The following CLIP2 variants were observed in gnomAD, a reference collection of about 807,000 sequenced individuals.
The protein encoded by CLIP2 is CAP-Gly domain containing linker protein 2.
CLIP2 carries 41 observed loss-of-function variants against 111.7 expected under a neutral mutation model. The observed-to-expected ratio is 0.37, with a 90% CI of 0.29 to 0.48. CLIP2 has a LOEUF of 0.48. Among genes scored for constraint, CLIP2 ranks in the 20% least tolerant of loss-of-function variants. The pLI is 0.99. For synonymous variants in CLIP2, 660 were observed against 644.2 expected (o/e 1.02, Z -0.37); for missense variants, 1,160 against 1,422.1 (o/e 0.82, Z 2.96).
At chr7:74,347,765 G>A (rs191630976) in intron 3 of CLIP2, among the ~76,000 whole-genome samples, 1 of 152,290 alleles carries the variant, frequency 6.6e-6, no homozygotes, top group East Asian at 1.9e-4. Flanking sequence ...GAATATTCAT[G>A]AGCATGAATA....
chr7:74,382,150 C>G (rs1259130253), intron 11 of CLIP2, among the ~76,000 whole-genome samples: 3 of 151,924 alleles, frequency 2.0e-5, no homozygotes, highest in Non-Finnish European at 4.4e-5. Flanking sequence ...ATGATGCGAT[C>G]TCAGTTCACT....
In CLIP2 at chr7:74,375,914, G is replaced by C. The variant is rs1352937677; in HGVS notation, c.1513G>C (p.Val505Leu). ...GACCACAGTGGCCGAGAAGTCGCGCGTGCTGCAGCTGGAGGAGGAGCTCAC... is the reference window on the plus strand; with the variant it reads ...GACCACAGTGGCCGAGAAGTCGCGCCTGCTGCAGCTGGAGGAGGAGCTCAC... ...RLTTVAEKSRVLQLEEELTLR... is the reference protein window; with the variant it reads ...RLTTVAEKSRLLQLEEELTLR... Residue 505 changes from valine (V) to leucine (L), a missense_variant, in exon 10 of 17, where the codon GTG becomes CTG. This residue lies in a region of CLIP2 where 676 missense variants were observed against 777.8 expected (regional missense o/e 0.87). Coordinates refer to ENST00000223398, the MANE Select transcript of CLIP2 (RefSeq NM_003388.5). 1 of 1,583,080 alleles carries C rather than the reference G, an allele frequency of 6.3e-7. No homozygotes were observed. The highest frequency in any genetic ancestry group is 1.3e-5 in the African/African-American group (1 of 74,250).
intron 1 of CLIP2, among the ~76,000 whole-genome samples, chr7:74,312,630 C>G (rs1351858637): frequency 5.9e-5 from 9 of 152,178 alleles, no homozygotes; most frequent in Non-Finnish European, 1.2e-4. Flanking sequence ...CCAGGAGGGC[C>G]AGGTTCTGAG....
chr7:74,364,900 G>T, intron 8 of CLIP2: 1 of 455,452 alleles, frequency 2.2e-6, no homozygotes, highest in Non-Finnish European at 4.4e-6. Flanking sequence ...ATGTGCACCT[G>T]TGGTCCCAGC....
In CLIP2 at chr7:74,401,910, A is replaced by T. The variant is rs537686473; in HGVS notation, c.3129+343A>T. ...GTAAAACTCCGTCTCTACTGAAAAT[A>T]CAAAATTAGCCGGGTAGGGTGGACA... On this transcript the variant is annotated intron_variant, in intron 16 of 16. Coordinates refer to ENST00000223398, the MANE Select transcript of CLIP2 (RefSeq NM_003388.5). Among the ~76,000 whole-genome samples, 3 of 151,520 alleles carry T rather than the reference A, an allele frequency of 2.0e-5. No individual in the cohort carries two copies. In the East Asian group the frequency reaches 5.8e-4, roughly 29 times the overall value.
chr7:74,389,398 C>A, intron 13 of CLIP2, 139 bp downstream of exon 13: 1 of 783,470 alleles, frequency 1.3e-6, no homozygotes, highest in Non-Finnish European at 2.0e-6. Flanking sequence ...AGCGATCACC[C>A]TGCTCTCCTC....
At chr7:74,364,563 C>A (rs1376245295) in intron 8 of CLIP2, among the ~76,000 whole-genome samples, 5 of 152,188 alleles carry the variant, frequency 3.3e-5, no homozygotes, top group Non-Finnish European at 7.3e-5. Context: ...CAGGGCAGGG[C>A]AGATGGGGGG....
At chr7:74,351,070 A>T (rs1227855332) in intron 3 of CLIP2, among the ~76,000 whole-genome samples, 2 of 56,862 alleles carry the variant, frequency 3.5e-5, no homozygotes, top group African/African-American at 1.1e-4. Context: ...AGAAAGAGAA[A>T]GAAAGAAAGA....
At chr7:74,361,286 C>G (rs372229960) in intron 7 of CLIP2, among the ~76,000 whole-genome samples, 1 of 147,518 alleles carries the variant, frequency 6.8e-6, no homozygotes, top group African/African-American at 2.5e-5. Context: ...GGTGCGATCT[C>G]GGCTCACTGC....
chr7:74,299,889 G>A (rs188119050), intron 1 of CLIP2, among the ~76,000 whole-genome samples: 1 of 152,094 alleles, frequency 6.6e-6, no homozygotes, highest in Admixed American at 6.6e-5. Flanking sequence ...TAGAGACAGG[G>A]TTTCTCCATG....
chr7:74,318,582 G>A (rs1204177222), intron 2 of CLIP2, among the ~76,000 whole-genome samples: 4 of 151,962 alleles, frequency 2.6e-5, no homozygotes, highest in South Asian at 2.1e-4. Flanking sequence ...GCATGGTGGC[G>A]GGCGCCTATA....
At chr7:74,325,141 A>G (rs1789074733) in intron 2 of CLIP2, among the ~76,000 whole-genome samples, 1 of 152,168 alleles carries the variant, frequency 6.6e-6, no homozygotes, top group African/African-American at 2.4e-5. Context: ...TGGCCAAGGG[A>G]CAGGGCCTGG....
intron 7 of CLIP2, among the ~76,000 whole-genome samples, chr7:74,362,254 G>C (rs1368555970): frequency 6.6e-6 from 1 of 152,120 alleles, no homozygotes; most frequent in African/African-American, 2.4e-5. Context: ...CTTGGCCTGG[G>C]ATCCTCTCTA....
intron 16 of CLIP2, 69 bp downstream of exon 16, chr7:74,401,636 A>T (rs1791623781): frequency 6.8e-7 from 1 of 1,465,308 alleles, no homozygotes; most frequent in African/African-American, 1.4e-5. Flanking sequence ...AATCCTTGAA[A>T]CGTCACTAAG....
rs1280538577 is a variant in CLIP2, at chr7:74,346,735, A to AC, written c.679-7145_679-7144insC. On this transcript the variant is annotated intron_variant, in intron 3 of 16. Coordinates refer to ENST00000223398, the MANE Select transcript of CLIP2 (RefSeq NM_003388.5). ...AAGATTCTCAAAAAAAAAAAAAAAA[A>AC]AAAAAAACAAAACACTGGCCATGCA... 1.5e-3 allele frequency among the ~76,000 whole-genome samples: 103 copies of AC among 67,540 alleles called. 1 individual carries two copies. The East Asian group carries it at 0.016, about 10-fold the overall frequency. The allele number at this position is 67,540 out of a possible 152,430, so 44.3% of individuals were successfully genotyped here. A position where few individuals can be genotyped will look rare whatever the true frequency, so the allele number is the denominator to read the frequency against.
At chr7:74,315,720 G>A (rs1038377683) in intron 1 of CLIP2, among the ~76,000 whole-genome samples, 15 of 151,914 alleles carry the variant, frequency 9.9e-5, no homozygotes, top group South Asian at 4.2e-4. Flanking sequence ...ACAGGTGCCC[G>A]CCAACATGCC....
intron 3 of CLIP2, among the ~76,000 whole-genome samples, chr7:74,351,317 G>A (rs1789989702): frequency 1.3e-5 from 2 of 150,642 alleles, no homozygotes; most frequent in Middle Eastern, 3.4e-3. Flanking sequence ...GCCAGGCGTG[G>A]TGCCCTGTGC....
intron 8 of CLIP2, among the ~76,000 whole-genome samples, chr7:74,372,415 G>T (rs1483853867): frequency 8.4e-6 from 1 of 118,936 alleles, no homozygotes. Context: ...GGGGGGGGGG[G>T]AGTCGAGCGG....
intron 11 of CLIP2, among the ~76,000 whole-genome samples, chr7:74,382,109 G>T (rs1476811078): frequency 6.6e-6 from 1 of 151,804 alleles, no homozygotes; most frequent in Non-Finnish European, 1.5e-5. Context: ...TTGAGACGGA[G>T]TTTCACCCTT....
Sources: allele counts gnomAD v4.1 joint callset (sites outside exome capture counted in the v4.1 genomes callset), GRCh38; gene constraint gnomAD v4.1.1; regional missense constraint gnomAD v4.1.1; transcripts MANE v1.5; gene names NCBI Gene and HGNC (gene_info 2026-07-23, HGNC 2026-07-21).